CREB5: variants seen among roughly 807,000 people sequenced by gnomAD.
CREB5 encodes cyclic AMP-responsive element-binding protein 5.
In CREB5, 19 loss-of-function variants were observed where a neutral mutation model predicts 57.1. The observed-to-expected ratio is 0.33, with a 90% CI of 0.23 to 0.49. The LOEUF (loss-of-function observed/expected upper bound fraction) is 0.49, where lower values mean the gene tolerates loss of function less well. Ranked by LOEUF, CREB5 falls within the 20% of genes least tolerant of loss-of-function variation. The pLI is 0.99. For missense variants in CREB5, 579 were observed against 671.6 expected, an observed-to-expected ratio of 0.86 and a Z score of 1.52; for synonymous variants, 238 against 238.3, an observed-to-expected ratio of 1.00 and a Z score of 0.01.
intron 1 of CREB5, among the ~76,000 whole-genome samples, chr7:28,447,776 T>A (rs868466892): frequency 3.9e-5 from 6 of 152,282 alleles, no homozygotes; most frequent in Middle Eastern, 6.8e-3. Context: ...CTGCCCCACA[T>A]TCCCAGCCCG....
At chr7:28,641,972 G>A (rs1209667314) in intron 5 of CREB5, among the ~76,000 whole-genome samples, 2 of 152,198 alleles carry the variant, frequency 1.3e-5, no homozygotes, top group Non-Finnish European at 2.9e-5. Context: ...ACGTGTTCCT[G>A]GGTGTGCATG....
At chr7:28,707,792 C>A (rs1470457378) in intron 5 of CREB5, among the ~76,000 whole-genome samples, 1 of 152,320 alleles carries the variant, frequency 6.6e-6, no homozygotes, top group East Asian at 1.9e-4. Flanking sequence ...TGTTACTATT[C>A]TGCTTCAGTT....
intron 4 of CREB5, 118 bp downstream of exon 4, chr7:28,507,855 G>A: frequency 1.7e-6 from 2 of 1,201,506 alleles, no homozygotes; most frequent in Admixed American, 3.1e-5. Context: ...TTAGCCATTT[G>A]TGAGTATTTG....
In CREB5 at chr7:28,573,932, C is replaced by T. The variant is rs116891702; in HGVS notation, c.464+3395C>T. Among the ~76,000 whole-genome samples the T allele has an allele frequency of 4.7e-4, 71 of 152,306 alleles. 1 individual carries two copies. In the East Asian group the frequency reaches 0.012, roughly 26 times the overall value. ...CCACAGCAATCCATACCATGCCCTG[C>T]GCTCAATTCTGTGAAAGTAGTGCCA... is the stretch of plus-strand genomic sequence containing the variant. On this transcript the variant is annotated intron_variant, in intron 5 of 10. Transcript: ENST00000357727.
chr7:28,761,194 C>A (rs904028771), intron 7 of CREB5, among the ~76,000 whole-genome samples: 12 of 152,096 alleles, frequency 7.9e-5, no homozygotes, highest in Non-Finnish European at 1.5e-5. Flanking sequence ...TGAGCATATG[C>A]CCAATGATCC....
intron 5 of CREB5, among the ~76,000 whole-genome samples, chr7:28,604,721 G>A (rs997081546): frequency 1.3e-5 from 2 of 151,680 alleles, no homozygotes; most frequent in Non-Finnish European, 2.9e-5. Flanking sequence ...TCTGTTTCTT[G>A]TCCAAGATTT....
intron 5 of CREB5, among the ~76,000 whole-genome samples, chr7:28,677,175 A>AT (rs1398706094): frequency 6.6e-6 from 1 of 152,194 alleles, no homozygotes; most frequent in South Asian, 2.1e-4. Flanking sequence ...GTATTTATAT[A>AT]TTTTTTTCAT....
chr7:28,304,834 G>A (rs1053017234), intron 1 of CREB5, among the ~76,000 whole-genome samples: 1 of 152,182 alleles, frequency 6.6e-6, no homozygotes, highest in Non-Finnish European at 1.5e-5. Context: ...AGAAAATAGT[G>A]TATGGTTCTG....
intron 5 of CREB5, among the ~76,000 whole-genome samples, chr7:28,646,371 A>G (rs1165061668): frequency 6.6e-6 from 1 of 152,206 alleles, no homozygotes; most frequent in East Asian, 1.9e-4. Flanking sequence ...AAAAAACAAT[A>G]GAAAGTGGAA....
chr7:28,509,237 T>A (rs1027519537), intron 4 of CREB5, among the ~76,000 whole-genome samples: 2 of 152,254 alleles, frequency 1.3e-5, no homozygotes, highest in African/African-American at 4.8e-5. Flanking sequence ...TGTGTGCCCT[T>A]GATTTTACTA....
chr7:28,322,291 A>G (rs1414962330), intron 1 of CREB5, among the ~76,000 whole-genome samples: 4 of 152,142 alleles, frequency 2.6e-5, no homozygotes. Context: ...TTTTCTGTTT[A>G]TTTACCTTAG....
chr7:28,610,646 A>C (rs41276), intron 5 of CREB5, among the ~76,000 whole-genome samples: 1 of 151,872 alleles, frequency 6.6e-6, no homozygotes, highest in African/African-American at 2.4e-5. Context: ...CTAATGGCCC[A>C]GTAACCTAAA....
chr7:28,325,951 G>A (rs1785591541), intron 1 of CREB5, among the ~76,000 whole-genome samples: 1 of 152,136 alleles, frequency 6.6e-6, no homozygotes, highest in Non-Finnish European at 1.5e-5. Context: ...CATTCTTTGA[G>A]TACTTTATTA....
intron 4 of CREB5, among the ~76,000 whole-genome samples, chr7:28,537,268 C>T (rs927185661): frequency 1.7e-4 from 26 of 152,120 alleles, no homozygotes; most frequent in African/African-American, 5.1e-4. Context: ...AGCAAATTAA[C>T]ATATTTGTCA....
intron 5 of CREB5, among the ~76,000 whole-genome samples, chr7:28,706,266 G>A (rs1422183060): frequency 6.6e-6 from 1 of 152,154 alleles, no homozygotes; most frequent in Non-Finnish European, 1.5e-5. Context: ...TGAGGCAGGA[G>A]AATTGCTTGA....
chr7:28,825,337 C>T lies in CREB5; in HGVS notation c.*6058C>T, dbSNP rs1218701114. On this transcript the variant is annotated 3_prime_UTR_variant, in exon 11 of 11. Coordinates refer to ENST00000357727, the MANE Select transcript of CREB5 (RefSeq NM_182898.4). ...GAGAAAGGAATGTTGCCTTTGAGAACTGTCTTGGAGAACAGATAAGCTTGA... is the reference window on the plus strand; with the variant it reads ...GAGAAAGGAATGTTGCCTTTGAGAATTGTCTTGGAGAACAGATAAGCTTGA... 6.6e-6 allele frequency: 1 copy of T among 152,298 alleles called. No homozygotes were observed. The highest frequency in any genetic ancestry group is 1.5e-5 in the Non-Finnish European group (1 of 68,038). The allele number at this position is 152,298 out of a possible 1,614,324, so 9.4% of individuals were successfully genotyped here.
At chr7:28,814,385 A>G (rs189430312) in intron 9 of CREB5, among the ~76,000 whole-genome samples, 45 of 152,322 alleles carry the variant, frequency 3.0e-4, no homozygotes, top group Admixed American at 2.8e-3. Context: ...GGCTCCGTAG[A>G]TGCTCTCTCA....
chr7:28,613,279 T>G (rs1397104762), intron 5 of CREB5, among the ~76,000 whole-genome samples: 2 of 152,182 alleles, frequency 1.3e-5, no homozygotes, highest in Non-Finnish European at 2.9e-5. Flanking sequence ...ATTTTTAAGG[T>G]TCATTGCAAT....
At chr7:28,675,905 T>C (rs1237857877) in intron 5 of CREB5, among the ~76,000 whole-genome samples, 1 of 152,194 alleles carries the variant, frequency 6.6e-6, no homozygotes, top group Non-Finnish European at 1.5e-5. Flanking sequence ...AAGGGCGAGT[T>C]ACAGGCATTT....
Sources: gnomAD v4.1 joint callset for allele counts (sites outside exome capture counted in the v4.1 genomes callset) on GRCh38, gnomAD v4.1.1 for gene constraint, MANE v1.5 for transcripts, NCBI Gene and HGNC (gene_info 2026-07-23, HGNC 2026-07-21) for gene names.